The following MRTFB variants were observed in gnomAD, a reference collection of about 807,000 sequenced individuals.
The protein encoded by MRTFB is myocardin related transcription factor B, also known as myocardin-related transcription factor B.
In MRTFB, 29 loss-of-function variants were observed where a neutral mutation model predicts 104.2. The ratio of observed to expected loss-of-function variants is 0.28; its 90% CI spans 0.21 to 0.38. The LOEUF is 0.38. Ranked by LOEUF, MRTFB falls within the 10% of genes least tolerant of loss-of-function variation. The pLI is 1.00. For missense variants in MRTFB, 1,270 were observed against 1,341.6 expected, an observed-to-expected ratio of 0.95 and a Z score of 0.83; for synonymous variants, 535 against 519.5, an observed-to-expected ratio of 1.03 and a Z score of -0.41.
intron 2 of MRTFB, among the ~76,000 whole-genome samples, chr16:14,089,205 A>G (rs558546788): frequency 7.9e-5 from 12 of 151,386 alleles, no homozygotes; most frequent in African/African-American, 1.2e-4. Context: ...GTAGAACTCA[A>G]TGATTTTTAG....
At chr16:14,048,406 C>T in the MRTFB span, among the ~76,000 whole-genome samples, 1 of 152,188 alleles carries the variant, frequency 6.6e-6, no homozygotes, top group African/African-American at 2.4e-5. Flanking sequence ...TCTGCAAAGA[C>T]TTGGGACAGA....
At chr16:14,041,624 G>A in the MRTFB span, among the ~76,000 whole-genome samples, 2 of 152,068 alleles carry the variant, frequency 1.3e-5, no homozygotes, top group Non-Finnish European at 2.9e-5. Context: ...CTATGAACAT[G>A]AGTATATAAA....
rs115707670 is a variant in MRTFB, at chr16:14,097,160, G to A, written c.-64+17806G>A. 5.3e-3 allele frequency among the ~76,000 whole-genome samples: 800 copies of A among 152,316 alleles called. 8 individuals carry two copies. The highest frequency in any genetic ancestry group is 0.018 in the African/African-American group (745 of 41,576). On this transcript the variant is annotated intron_variant, in intron 2 of 16. Coordinates refer to ENST00000571589, the MANE Select transcript of MRTFB (RefSeq NM_001308142.2). Reference sequence around the variant, plus strand: ...AGATGCAGAGTGGCCTTGCAGTTCAGTACTGACCATTCTGCATGAAATCCA... The same window carrying A: ...AGATGCAGAGTGGCCTTGCAGTTCAATACTGACCATTCTGCATGAAATCCA...
intron 3 of MRTFB, among the ~76,000 whole-genome samples, chr16:14,192,415 C>T (rs560629583): frequency 2.0e-5 from 3 of 152,072 alleles, no homozygotes; most frequent in Admixed American, 1.3e-4. Context: ...GGTTCTTATA[C>T]AATAGGAATG....
the MRTFB span, among the ~76,000 whole-genome samples, chr16:13,998,923 G>C: frequency 7.2e-6 from 1 of 139,016 alleles, no homozygotes; most frequent in Non-Finnish European, 1.5e-5. Flanking sequence ...CCGGTCATGG[G>C]GGCTCACACC....
intron 2 of MRTFB, among the ~76,000 whole-genome samples, chr16:14,090,879 GGTGTGT>G (rs55685117): frequency 0.031 from 4,434 of 141,688 alleles, 155 homozygotes; most frequent in African/African-American, 0.085. Context: ...AGTTCAGCAT[GGTGTGT>G]GTGTGTGTGT....
chr16:14,125,842 A>G lies in MRTFB; in HGVS notation c.-63-14702A>G, dbSNP rs192605035. Among the ~76,000 whole-genome samples the G allele has an allele frequency of 3.9e-5, 6 of 152,296 alleles. No individual in the cohort carries two copies. In the East Asian group the frequency reaches 5.8e-4, roughly 15 times the overall value. On this transcript the variant is annotated intron_variant, in intron 2 of 16. Coordinates refer to ENST00000571589, the MANE Select transcript of MRTFB (RefSeq NM_001308142.2). The stretch of plus-strand genomic sequence containing the variant: ...TTCTCTTAAGGACAGTGATGTATTT[A>G]TAGGAAATAATTAAAATAATGCCGC...
Position 14,218,892 on chromosome 16 carries a change from C to T in MRTFB, c.587C>T (p.Ser196Phe). 6.2e-7 allele frequency: 1 copy of T among 1,614,064 alleles called. No homozygotes were observed. Among genetic ancestry groups the T allele is most frequent in the Non-Finnish European group, 8.5e-7 (1 of 1,180,004 alleles). Residue 196 changes from serine to phenylalanine, a missense_variant, in exon 8 of 17, where the codon TCT becomes TTT. Around this residue, in one of 3 missense-constraint regions of MRTFB, gnomAD observed 1,144 missense variants for 1,131.5 expected, o/e 1.01. Transcript: ENST00000571589. ...GATGAAGACAGCAGTGACGCTTTGTCTCCGGACCAGCCTGCGAGTCAGGAG... is the reference window on the plus strand; with the variant it reads ...GATGAAGACAGCAGTGACGCTTTGTTTCCGGACCAGCCTGCGAGTCAGGAG... Reference protein sequence around the residue: ...SFDEDSSDALSPDQPASQESQ... With the variant: ...SFDEDSSDALFPDQPASQESQ...
chr16:14,023,309 G>A, the MRTFB span, among the ~76,000 whole-genome samples: 3 of 152,168 alleles, frequency 2.0e-5, no homozygotes, highest in Admixed American at 6.5e-5. Context: ...GCCAGGAGTA[G>A]TAGTGTGTGC....
the MRTFB span, among the ~76,000 whole-genome samples, chr16:14,016,947 T>C: frequency 2.0e-5 from 3 of 152,152 alleles, no homozygotes; most frequent in South Asian, 4.1e-4. Context: ...TCATTTAGTT[T>C]AGGCCAATGA....
chr16:13,998,762 G>T, the MRTFB span, among the ~76,000 whole-genome samples: 2 of 149,816 alleles, frequency 1.3e-5, no homozygotes, highest in African/African-American at 4.9e-5. Flanking sequence ...GAAGAAAAAT[G>T]ATAATAAATT....
chr16:14,243,634 A>C (rs2042877214), intron 10 of MRTFB, among the ~76,000 whole-genome samples: 1 of 152,218 alleles, frequency 6.6e-6, no homozygotes, highest in African/African-American at 2.4e-5. Context: ...CTGTAGTAGA[A>C]TTTGACAAGT....
chr16:14,159,546 G>A (rs532321262), intron 3 of MRTFB, among the ~76,000 whole-genome samples: 1 of 152,250 alleles, frequency 6.6e-6, no homozygotes, highest in Non-Finnish European at 1.5e-5. Context: ...GTGGAAAAAT[G>A]CAAATGGACA....
chr16:14,069,778 A>G (rs13333474), upstream of MRTFB, among the ~76,000 whole-genome samples: 9,082 of 152,286 alleles, frequency 0.06, 827 homozygotes, highest in African/African-American at 0.2. Context: ...AACCTTGCCC[A>G]GCCTACATCT....
chr16:14,106,267 A>G (rs1267980525), intron 2 of MRTFB, among the ~76,000 whole-genome samples: 2 of 152,004 alleles, frequency 1.3e-5, no homozygotes, highest in Admixed American at 6.6e-5. Context: ...TGCTGAGGGG[A>G]GTTGGGGAGT....
Position 14,167,077 on chromosome 16 carries a change from A to G in MRTFB, c.154+26317A>G, listed in dbSNP as rs1397431617. On this transcript the variant is annotated intron_variant, in intron 3 of 16. Transcript: ENST00000571589. Reference sequence around the variant, plus strand: ...ATTTCTGGTTCTAGGTCTCTGTGAAATTGCCACACTGTCTTCCACAATGGT... The same window carrying G: ...ATTTCTGGTTCTAGGTCTCTGTGAAGTTGCCACACTGTCTTCCACAATGGT... 4.6e-5 allele frequency among the ~76,000 whole-genome samples: 7 copies of G among 152,312 alleles called. 1 individual carries two copies. The East Asian group carries it at 1.2e-3, about 25-fold the overall frequency.
At chr16:14,161,020 C>T (rs760425473) in intron 3 of MRTFB, among the ~76,000 whole-genome samples, 1 of 144,322 alleles carries the variant, frequency 6.9e-6, no homozygotes. Context: ...GAGAAATAGA[C>T]ATGTTTTTTG....
chr16:14,250,142 A>C (rs1305221193), intron 13 of MRTFB, among the ~76,000 whole-genome samples: 1 of 152,238 alleles, frequency 6.6e-6, no homozygotes, highest in Non-Finnish European at 1.5e-5. Flanking sequence ...TAGAATTAGG[A>C]ATCATTACTT....
chr16:14,124,477 G>A (rs550372253), intron 2 of MRTFB, among the ~76,000 whole-genome samples: 13 of 152,270 alleles, frequency 8.5e-5, no homozygotes, highest in South Asian at 8.3e-4. Context: ...AGCATGAAGC[G>A]GTGTTGAATT....
Sources: allele counts gnomAD v4.1 joint callset (sites outside exome capture counted in the v4.1 genomes callset), GRCh38; gene constraint gnomAD v4.1.1; regional missense constraint gnomAD v4.1.1; transcripts MANE v1.5; gene names NCBI Gene and HGNC (gene_info 2026-07-23, HGNC 2026-07-21).